FOLH1: variants seen among roughly 807,000 people sequenced by gnomAD.
FOLH1 encodes the protein folate hydrolase 1.
Under a neutral mutation model 93.9 loss-of-function variants are expected in FOLH1, and 54 were observed. The ratio of observed to expected loss-of-function variants is 0.57; its 90% CI spans 0.46 to 0.72. FOLH1 has a LOEUF of 0.72. Among genes scored for constraint, FOLH1 ranks in the 30% least tolerant of loss-of-function variants. FOLH1 has a pLI of 0.00. For missense variants in FOLH1, 571 were observed against 892.5 expected, an observed-to-expected ratio of 0.64 and a Z score of 4.59; for synonymous variants, 249 against 303.6, an observed-to-expected ratio of 0.82 and a Z score of 1.87.
chr11:49,205,815 G>A (rs2135349059), intron 2 of FOLH1, among the ~76,000 whole-genome samples: 1 of 152,322 alleles, frequency 6.6e-6, no homozygotes, highest in South Asian at 2.1e-4. Context: ...CTGACTAGAT[G>A]TGACACAGAT....
In FOLH1 at chr11:49,198,927, A is replaced by G. The variant is rs1462768891; in HGVS notation, c.411+1328T>C. Among the ~76,000 whole-genome samples, 4 of 151,944 alleles carry G rather than the reference A, an allele frequency of 2.6e-5. No homozygotes were observed. The East Asian group carries it at 7.7e-4, about 29-fold the overall frequency. ...CACGCCTGGCTTAATAATATTTTTT[A>G]AAGTTATATTGTTAACTACTATGAT... On this transcript the variant is annotated intron_variant, in intron 3 of 18. Coordinates refer to ENST00000256999, the MANE Select transcript of FOLH1 (RefSeq NM_004476.3).
At chr11:49,161,106 G>A (rs1354376183) in intron 13 of FOLH1, among the ~76,000 whole-genome samples, 10 of 152,128 alleles carry the variant, frequency 6.6e-5, no homozygotes, top group Non-Finnish European at 1.2e-4. Flanking sequence ...CTATTCTGTT[G>A]TTTCTGGGTG....
Position 49,173,427 on chromosome 11 carries a change from A to T in FOLH1, c.1155T>A (p.Gly385=), listed in dbSNP as rs1859613542. 6.2e-7 allele frequency: 1 copy of T among 1,612,550 alleles called. No homozygotes were observed. Reference sequence around the variant, plus strand: ...CAGCTGCTCCACTCTGAGGGTCAATACCACCAAACACCCATGAGTCCCGGT... The same window carrying T: ...CAGCTGCTCCACTCTGAGGGTCAATTCCACCAAACACCCATGAGTCCCGGT... ...GGHRDSWVFG[G]IDPQSGAAVV... Residue 385 remains glycine, a synonymous_variant, in exon 10 of 19, where the codon GGT becomes GGA. Coordinates refer to ENST00000256999, the MANE Select transcript of FOLH1 (RefSeq NM_004476.3).
At chr11:49,189,879 T>A (rs1178805468) in intron 4 of FOLH1, among the ~76,000 whole-genome samples, 3 of 152,120 alleles carry the variant, frequency 2.0e-5, no homozygotes, top group Non-Finnish European at 4.4e-5. Context: ...CTTAAGTGGG[T>A]GTAATATTAA....
intron 4 of FOLH1, among the ~76,000 whole-genome samples, chr11:49,190,017 A>C (rs1479112346): frequency 6.6e-6 from 1 of 152,184 alleles, no homozygotes; most frequent in Non-Finnish European, 1.5e-5. Flanking sequence ...TCATAACACT[A>C]TATGTCTGAT....
chr11:49,171,415 C>T, intron 10 of FOLH1, 138 bp from the exon 11 acceptor site: 2 of 1,187,578 alleles, frequency 1.7e-6, no homozygotes, highest in Admixed American at 3.1e-5. Flanking sequence ...AAAATCTTTA[C>T]TTACGTAACT....
chr11:49,171,129 C>T (rs1215741908), intron 11 of FOLH1, 66 bp downstream of exon 11: 60 of 1,461,530 alleles, frequency 4.1e-5, no homozygotes, highest in Non-Finnish European at 5.1e-5. Context: ...TTTTTATGTG[C>T]TTGGCAAATA....
chr11:49,179,482 T>C (rs1203134278), intron 7 of FOLH1, among the ~76,000 whole-genome samples: 1 of 152,154 alleles, frequency 6.6e-6, no homozygotes, highest in Non-Finnish European at 1.5e-5. Flanking sequence ...ATATGGAAAT[T>C]AAACAACTAA....
chr11:49,192,808 A>T lies in FOLH1; in HGVS notation c.498T>A (p.Pro166=). The change falls in exon 4 of 19, where the codon CCT becomes CCA. Residue 166 remains proline, a synonymous_variant. Coordinates refer to ENST00000256999, the MANE Select transcript of FOLH1 (RefSeq NM_004476.3). ...GTGTTTTTACCTCTGGCATTCCTTG[A>T]GGAGAGAAAGCACTGAAAGGTGGTA... The part of the protein sequence containing the change: ...DIVPPFSAFS[P]QGMPEGDLVY... 7 of 1,605,654 alleles carry T rather than the reference A, an allele frequency of 4.4e-6. No homozygotes were observed. The highest frequency in any genetic ancestry group is 6.0e-6 in the Non-Finnish European group (7 of 1,175,602).
At chr11:49,163,604 T>C (rs1409622298) in intron 13 of FOLH1, among the ~76,000 whole-genome samples, 2 of 151,534 alleles carry the variant, frequency 1.3e-5, no homozygotes, top group African/African-American at 4.8e-5. Context: ...TGAAGTGCTG[T>C]GGAAGTGGGG....
chr11:49,151,265 T>C (rs1856480079), intron 17 of FOLH1, among the ~76,000 whole-genome samples: 1 of 152,240 alleles, frequency 6.6e-6, no homozygotes, highest in Admixed American at 6.5e-5. Context: ...ACAGAATACC[T>C]GTTAGCAACT....
At chr11:49,150,286 A>T (rs1216850729) in intron 17 of FOLH1, among the ~76,000 whole-genome samples, 1 of 152,216 alleles carries the variant, frequency 6.6e-6, no homozygotes, top group Non-Finnish European at 1.5e-5. Flanking sequence ...AATAACATAC[A>T]TAGCTATGAC....
At chr11:49,151,983 A>C (rs935478919) in intron 17 of FOLH1, among the ~76,000 whole-genome samples, 1 of 152,170 alleles carries the variant, frequency 6.6e-6, no homozygotes, top group African/African-American at 2.4e-5. Flanking sequence ...TATTATAATA[A>C]TTCATTAATT....
At chr11:49,177,299 A>G (rs1860171018) in intron 7 of FOLH1, among the ~76,000 whole-genome samples, 1 of 152,212 alleles carries the variant, frequency 6.6e-6, no homozygotes, top group South Asian at 2.1e-4. Flanking sequence ...AACTATTTAC[A>G]ATAAAATGCC....
intron 14 of FOLH1, 132 bp from the exon 15 acceptor site, chr11:49,156,939 CA>C (rs1857102724): frequency 3.5e-6 from 5 of 1,437,576 alleles, no homozygotes; most frequent in Non-Finnish European, 4.7e-6. Flanking sequence ...AGACATGCAG[CA>C]AAAACATGAA....
rs767008939 is a variant in FOLH1 at position 49,175,898 on chromosome 11, T to G, written c.980A>C (p.Tyr327Ser). Residue 327 changes from tyrosine to serine, a missense_variant, in exon 8 of 19, where the codon TAC becomes TCC. Transcript: ENST00000256999. ...SSWRGSLKVPYNVGPGFTGNF... is the reference protein window; with the variant it reads ...SSWRGSLKVPSNVGPGFTGNF... The stretch of plus-strand genomic sequence containing the variant: ...TCCAGTAAAGCCAGGTCCAACATTG[T>G]AGGGCACTTTGAGACTTCCTCTCCA... 10 of 1,613,842 alleles carry G rather than the reference T, an allele frequency of 6.2e-6. No individual in the cohort carries two copies. The highest frequency in any genetic ancestry group is 8.5e-6 in the Non-Finnish European group (10 of 1,179,780).
At chr11:49,150,175 T>C (rs1308016221) in intron 17 of FOLH1, among the ~76,000 whole-genome samples, 3 of 152,180 alleles carry the variant, frequency 2.0e-5, no homozygotes, top group South Asian at 2.1e-4. Flanking sequence ...ACTGTATTAA[T>C]TGAAAAAAAT....
chr11:49,173,312 A>T, intron 10 of FOLH1, 45 bp downstream of exon 10: 1 of 1,580,904 alleles, frequency 6.3e-7, no homozygotes. Flanking sequence ...GACTAAACTG[A>T]GACTCAGATA....
intron 6 of FOLH1, among the ~76,000 whole-genome samples, chr11:49,184,305 A>T (rs548045088): frequency 5.1e-4 from 77 of 152,316 alleles, no homozygotes; most frequent in African/African-American, 1.9e-3. Context: ...AATAAAAAGT[A>T]AAATTAGAAA....
Sources: allele counts gnomAD v4.1 joint callset (sites outside exome capture counted in the v4.1 genomes callset), GRCh38; gene constraint gnomAD v4.1.1; transcripts MANE v1.5; gene names NCBI Gene and HGNC (gene_info 2026-07-23, HGNC 2026-07-21).